SNTB2: variants seen among roughly 807,000 people sequenced by gnomAD.
SNTB2 encodes beta-2-syntrophin.
In SNTB2, 34 loss-of-function variants were observed where a neutral mutation model predicts 46.2. The observed-to-expected ratio is 0.74, with a 90% confidence interval of 0.56 to 0.98. The LOEUF (loss-of-function observed/expected upper bound fraction) is 0.98. SNTB2 is among the 50% of genes least tolerant of loss of function. The probability of loss-of-function intolerance (pLI) is 0.00; values close to 1 mark genes in which losing one functional copy is unlikely to be tolerated. For missense variants in SNTB2, 603 were observed against 731.4 expected (o/e 0.82, Z 2.02); for synonymous variants, 290 against 312.6 (o/e 0.93, Z 0.76).
intron 4 of SNTB2, 68 bp downstream of exon 4, chr16:69,270,353 G>A (rs2143119250): frequency 1.9e-6 from 3 of 1,577,048 alleles, no homozygotes; most frequent in Non-Finnish European, 2.6e-6. Context: ...GAATTTTAAA[G>A]TGAATTCTGT....
intron 1 of SNTB2, among the ~76,000 whole-genome samples, chr16:69,195,369 C>G (rs1964094956): frequency 6.6e-6 from 1 of 151,750 alleles, no homozygotes; most frequent in African/African-American, 2.4e-5. Flanking sequence ...CTCTTGGGCT[C>G]AGGTGATCCT....
intron 1 of SNTB2, among the ~76,000 whole-genome samples, chr16:69,231,643 A>T (rs1430879544): frequency 6.6e-6 from 1 of 152,148 alleles, no homozygotes; most frequent in Non-Finnish European, 1.5e-5. Flanking sequence ...TATAAATCTT[A>T]ATCCTAAAAA....
intron 1 of SNTB2, among the ~76,000 whole-genome samples, chr16:69,196,840 A>G (rs1964110387): frequency 6.6e-6 from 1 of 152,248 alleles, no homozygotes; most frequent in African/African-American, 2.4e-5. Flanking sequence ...AGCCTTTGAT[A>G]TTAACCATTA....
chr16:69,261,097 T>C (rs1964830073), intron 3 of SNTB2, among the ~76,000 whole-genome samples: 1 of 152,174 alleles, frequency 6.6e-6, no homozygotes, highest in South Asian at 2.1e-4. Flanking sequence ...AGTGTTTAAG[T>C]GCTAGCTCTG....
chr16:69,200,699 A>T (rs1303873334), intron 1 of SNTB2, among the ~76,000 whole-genome samples: 1 of 152,028 alleles, frequency 6.6e-6, no homozygotes. Context: ...TTTTAAATAG[A>T]GATGGGGGTC....
At chr16:69,235,353 C>T (rs1168263747) in intron 1 of SNTB2, among the ~76,000 whole-genome samples, 1 of 152,108 alleles carries the variant, frequency 6.6e-6, no homozygotes, top group Non-Finnish European at 1.5e-5. Context: ...CTATCCTAAG[C>T]ATAAATGTTA....
chr16:69,216,913 G>C (rs946464518), intron 1 of SNTB2, among the ~76,000 whole-genome samples: 1 of 152,192 alleles, frequency 6.6e-6, no homozygotes, highest in Non-Finnish European at 1.5e-5. Context: ...GCCCATGAGT[G>C]GGAAGGAGAG....
chr16:69,280,138 A>G lies in SNTB2; in HGVS notation c.1149-3910A>G, dbSNP rs1819993634. Among the ~76,000 whole-genome samples the G allele has an allele frequency of 2.0e-5, 3 of 152,324 alleles. No individual in the cohort carries two copies. In the South Asian group the frequency reaches 6.2e-4, roughly 32 times the overall value. Reference sequence around the variant, plus strand: ...ACCACCCTTAATCCGTTTAACCCTGAGTGGACACAGCACATGTTTCAGAGA... The same window carrying G: ...ACCACCCTTAATCCGTTTAACCCTGGGTGGACACAGCACATGTTTCAGAGA... On this transcript the variant is annotated intron_variant, in intron 4 of 6. Coordinates refer to ENST00000336278, the MANE Select transcript of SNTB2 (RefSeq NM_006750.4).
chr16:69,191,138 A>G (rs1304162274), intron 1 of SNTB2: 1 of 151,926 alleles, frequency 6.6e-6, no homozygotes, highest in Non-Finnish European at 1.5e-5. Flanking sequence ...GTCCGAGTGC[A>G]GTGGTGTTTA....
chr16:69,208,973 T>A (rs1228228096), intron 1 of SNTB2, among the ~76,000 whole-genome samples: 2 of 150,792 alleles, frequency 1.3e-5, no homozygotes, highest in African/African-American at 4.9e-5. Context: ...AATTTTTGAG[T>A]GTGTGTGTGT....
intron 3 of SNTB2, 112 bp downstream of exon 3, chr16:69,260,372 C>A: frequency 1.1e-6 from 1 of 921,486 alleles, no homozygotes; most frequent in Non-Finnish European, 1.7e-6. Flanking sequence ...GGATATCTAG[C>A]TTGCAGATCT....
chr16:69,242,066 G>A (rs1484784232), intron 1 of SNTB2: 1 of 151,944 alleles, frequency 6.6e-6, no homozygotes, highest in Non-Finnish European at 1.5e-5. Context: ...TTGGATTTTG[G>A]ATCCTATCCA....
intron 1 of SNTB2, among the ~76,000 whole-genome samples, chr16:69,199,844 T>C (rs1222672960): frequency 2.0e-5 from 3 of 152,044 alleles, no homozygotes; most frequent in African/African-American, 4.8e-5. Context: ...CACTTTTTAG[T>C]GTGAAAAATC....
At chr16:69,235,097 G>T (rs1164421519) in intron 1 of SNTB2, among the ~76,000 whole-genome samples, 44 of 151,628 alleles carry the variant, frequency 2.9e-4, no homozygotes, top group Non-Finnish European at 3.7e-4. Context: ...TGCAGCCTCT[G>T]TCGCCTGGTT....
At chr16:69,283,481 A>G (rs1175027446) in intron 4 of SNTB2, among the ~76,000 whole-genome samples, 1 of 152,182 alleles carries the variant, frequency 6.6e-6, no homozygotes, top group African/African-American at 2.4e-5. Context: ...CCCAGATGAG[A>G]TATTCACTGC....
intron 1 of SNTB2, among the ~76,000 whole-genome samples, chr16:69,207,114 TTAAAG>T (rs1275532464): frequency 3.3e-5 from 5 of 151,718 alleles, no homozygotes; most frequent in African/African-American, 1.2e-4. Flanking sequence ...CTTAGAGGCT[TTAAAG>T]TATAGATTTT....
intron 5 of SNTB2, among the ~76,000 whole-genome samples, chr16:69,296,670 C>T (rs1207811746): frequency 4.1e-5 from 6 of 146,564 alleles, no homozygotes; most frequent in South Asian, 2.2e-4. Context: ...TGCAGTGAGC[C>T]GAGATCATGC....
At chr16:69,217,666 C>G (rs562309794) in intron 1 of SNTB2, among the ~76,000 whole-genome samples, 1 of 152,144 alleles carries the variant, frequency 6.6e-6, no homozygotes, top group East Asian at 1.9e-4. Context: ...TTTATGCTAT[C>G]TTAAAAAAAC....
intron 5 of SNTB2, among the ~76,000 whole-genome samples, chr16:69,287,945 G>A (rs545541375): frequency 6.6e-6 from 1 of 152,084 alleles, no homozygotes; most frequent in African/African-American, 2.4e-5. Flanking sequence ...GGAGGCTGAG[G>A]TGGGCGGATC....
Sources: gnomAD v4.1 joint callset for allele counts (sites outside exome capture counted in the v4.1 genomes callset) on GRCh38, gnomAD v4.1.1 for gene constraint, MANE v1.5 for transcripts, NCBI Gene and HGNC (gene_info 2026-07-23, HGNC 2026-07-21) for gene names.